Variants in MOSMO observed in about 807,000 individuals in gnomAD.
MOSMO encodes the protein modulator of smoothened protein.
MOSMO carries 5 observed loss-of-function variants against 18.4 expected under a neutral mutation model. The ratio of observed to expected loss-of-function variants is 0.27; its 90% confidence interval spans 0.14 to 0.57. The LOEUF (loss-of-function observed/expected upper bound fraction) is 0.57. Among genes scored for constraint, MOSMO ranks in the 20% least tolerant of loss-of-function variants. MOSMO has a pLI of 0.92. For missense variants in MOSMO, 138 were observed against 211.8 expected (o/e 0.65, Z 2.16); for synonymous variants, 82 against 82.3 (o/e 1.00, Z 0.02).
chr16:22,047,023 C>T (rs1900321630), intron 1 of MOSMO, among the ~76,000 whole-genome samples: 1 of 151,940 alleles, frequency 6.6e-6, no homozygotes, highest in African/African-American at 2.4e-5. Flanking sequence ...CCTTTTTCAC[C>T]CCCTCCTGGC....
chr16:22,049,579 T>C (rs886235009), intron 1 of MOSMO, among the ~76,000 whole-genome samples: 2 of 152,210 alleles, frequency 1.3e-5, no homozygotes, highest in Non-Finnish European at 2.9e-5. Flanking sequence ...AGGTATCACA[T>C]ATAAAGACTA....
In MOSMO at chr16:22,062,382, A is replaced by T. The variant is rs553425796; in HGVS notation, c.107-13105A>T. Among the ~76,000 whole-genome samples, 9 of 152,214 alleles carry T rather than the reference A, an allele frequency of 5.9e-5. No homozygotes were observed. The East Asian group carries it at 1.7e-3, about 29-fold the overall frequency. The stretch of plus-strand genomic sequence containing the variant: ...CTGTCACCCAGGATGGAGTACAGTA[A>T]CATGTTCATAGCTCACTGCAGCCTC... On this transcript the variant is annotated intron_variant, in intron 1 of 2. Transcript: ENST00000542527.
rs781678242 is a variant in MOSMO at position 22,008,271 on chromosome 16, G to A, written c.-31G>A. 19 of 1,439,506 alleles carry A rather than the reference G, an allele frequency of 1.3e-5. No individual in the cohort carries two copies. The highest frequency in any genetic ancestry group is 1.1e-4 in the Admixed American group (5 of 47,520). The allele number at this position is 1,439,506 out of a possible 1,614,324, so 89.2% of individuals were successfully genotyped here. ...GGCGTGAGGCCGCTGCCTGTCCGGGGCTCGGGGGGTGGGGGGAGCGGGGCG... is the reference window on the plus strand; with the variant it reads ...GGCGTGAGGCCGCTGCCTGTCCGGGACTCGGGGGGTGGGGGGAGCGGGGCG... On this transcript the variant is annotated 5_prime_UTR_variant, in exon 1 of 3. Transcript: ENST00000542527.
At chr16:22,044,749 T>G (rs12917846) in intron 1 of MOSMO, among the ~76,000 whole-genome samples, 11,731 of 152,138 alleles carry the variant, frequency 0.077, 645 homozygotes, top group South Asian at 0.25. Context: ...AAGTGGCAGA[T>G]CCCCAGGCAG....
At chr16:22,086,222 T>G (rs1901172820), downstream of MOSMO, 2 of 152,200 alleles carry the variant, frequency 1.3e-5, no homozygotes, top group African/African-American at 4.8e-5. Context: ...AGCATATTAT[T>G]TCCATGTTCA....
At chr16:22,009,935 G>A (rs1375622030) in intron 1 of MOSMO, among the ~76,000 whole-genome samples, 4 of 151,544 alleles carry the variant, frequency 2.6e-5, no homozygotes, top group Admixed American at 6.6e-5. Context: ...AGGTTGCAGT[G>A]AGCTGAGATT....
rs767787432 is a variant in MOSMO at position 22,075,734 on chromosome 16, G to A, written c.319+35G>A. ...CTGTGCTTACTAAATTTGTCTAGAA[G>A]GCACCCACCCACACTGGTATTTTTA... On this transcript the variant is annotated intron_variant, in intron 2 of 2. Coordinates refer to ENST00000542527, the MANE Select transcript of MOSMO (RefSeq NM_001164579.2). 69 of 1,382,032 alleles carry A rather than the reference G, an allele frequency of 5.0e-5. No individual in the cohort carries two copies. In the African/African-American group the frequency reaches 9.5e-4, roughly 19 times the overall value. The allele number at this position is 1,382,032 out of a possible 1,614,324, so 85.6% of individuals were successfully genotyped here.
Position 22,053,797 on chromosome 16 carries a change from C to T in MOSMO, c.107-21690C>T, listed in dbSNP as rs541328239. ...CAGCCTGGGCAACAGAGGGAGACTC[C>T]GTCTCAAAAAAAAAGAAGTGGTTAT... On this transcript the variant is annotated intron_variant, in intron 1 of 2. Transcript: ENST00000542527. Among the ~76,000 whole-genome samples the T allele has an allele frequency of 1.7e-4, 26 of 151,266 alleles. No individual in the cohort carries two copies. In the South Asian group the frequency reaches 4.4e-3, roughly 26 times the overall value.
At chr16:22,012,853 T>C (rs1899560519) in intron 1 of MOSMO, among the ~76,000 whole-genome samples, 1 of 152,044 alleles carries the variant, frequency 6.6e-6, no homozygotes, top group Admixed American at 6.6e-5. Flanking sequence ...ATTGTCTTGG[T>C]CTAGATACAG....
intron 1 of MOSMO, among the ~76,000 whole-genome samples, chr16:22,025,329 C>T (rs528252478): frequency 5.3e-5 from 8 of 151,966 alleles, no homozygotes; most frequent in South Asian, 4.2e-4. Flanking sequence ...ATAGTCTTTT[C>T]GGGAGCCATA....
intron 1 of MOSMO, among the ~76,000 whole-genome samples, chr16:22,045,765 A>T (rs988616119): frequency 1.3e-5 from 2 of 152,146 alleles, no homozygotes; most frequent in East Asian, 1.9e-4. Context: ...AGTCTTTTTG[A>T]ATGAATTTAG....
chr16:22,016,665 C>G (rs997629355), intron 1 of MOSMO, among the ~76,000 whole-genome samples: 2 of 152,170 alleles, frequency 1.3e-5, no homozygotes, highest in Admixed American at 1.3e-4. Flanking sequence ...GGCACACGGG[C>G]TTTGGGGCAA....
At chr16:22,025,296 C>A (rs1899853986) in intron 1 of MOSMO, among the ~76,000 whole-genome samples, 1 of 152,170 alleles carries the variant, frequency 6.6e-6, no homozygotes, top group Non-Finnish European at 1.5e-5. Context: ...GTTAATCAGA[C>A]TAACTTTTGA....
intron 1 of MOSMO, among the ~76,000 whole-genome samples, chr16:22,070,277 A>C (rs1293329776): frequency 6.6e-6 from 1 of 152,228 alleles, no homozygotes; most frequent in African/African-American, 2.4e-5. Context: ...TTAGAAATTT[A>C]CAGCAGCACC....
chr16:22,027,456 T>C (rs1257821409), intron 1 of MOSMO, among the ~76,000 whole-genome samples: 1 of 152,228 alleles, frequency 6.6e-6, no homozygotes, highest in African/African-American at 2.4e-5. Flanking sequence ...TGGTACCTTG[T>C]CATTTAGCCT....
At chr16:22,057,347 A>G (rs966080177) in intron 1 of MOSMO, among the ~76,000 whole-genome samples, 1 of 152,236 alleles carries the variant, frequency 6.6e-6, no homozygotes, top group Non-Finnish European at 1.5e-5. Flanking sequence ...CTGTTCTAAC[A>G]TGGCGGAAGA....
chr16:22,043,043 A>G (rs963753038), intron 1 of MOSMO, among the ~76,000 whole-genome samples: 3 of 152,202 alleles, frequency 2.0e-5, no homozygotes, highest in African/African-American at 7.2e-5. Flanking sequence ...ATTTTTATGC[A>G]TAAATTAACA....
intron 2 of MOSMO, among the ~76,000 whole-genome samples, chr16:22,076,612 A>G (rs1900974489): frequency 6.6e-6 from 1 of 152,178 alleles, no homozygotes; most frequent in Non-Finnish European, 1.5e-5. Context: ...AGTGCCTTAA[A>G]ATAATCTCAG....
intron 1 of MOSMO, among the ~76,000 whole-genome samples, chr16:22,053,841 C>T (rs900473294): frequency 2.6e-5 from 4 of 151,996 alleles, no homozygotes; most frequent in Non-Finnish European, 5.9e-5. Flanking sequence ...GGAAAAGAAA[C>T]GGAGTAGTTG....
Sources: allele counts gnomAD v4.1 joint callset (sites outside exome capture counted in the v4.1 genomes callset), GRCh38; gene constraint gnomAD v4.1.1; transcripts MANE v1.5; gene names NCBI Gene and HGNC (gene_info 2026-07-23, HGNC 2026-07-21).